ABCG2: variants seen among roughly 807,000 people sequenced by gnomAD.
The protein encoded by ABCG2 is ATP binding cassette subfamily G member 2 (JR blood group), also known as broad substrate specificity ATP-binding cassette transporter ABCG2.
ABCG2 carries 80 observed loss-of-function variants against 73.5 expected under a neutral mutation model. That is an observed-to-expected ratio of 1.09 (90% CI 0.91 to 1.31). ABCG2 has a LOEUF of 1.31. ABCG2 is among the 50% of genes most tolerant of loss of function. The probability of loss-of-function intolerance (pLI) is 0.00; values close to 1 mark genes in which losing one functional copy is unlikely to be tolerated. For missense variants in ABCG2, 796 were observed against 786.2 expected (o/e 1.01, Z -0.15); for synonymous variants, 269 against 282.4 (o/e 0.95, Z 0.48).
chr4:88,102,595 C>CAAA (rs11373616), intron 10 of ABCG2, among the ~76,000 whole-genome samples: 9 of 137,874 alleles, frequency 6.5e-5, no homozygotes, highest in Non-Finnish European at 9.2e-5. Context: ...GACACTGTCT[C>CAAA]AAAAAAAAAA....
rs188297697 is a variant in ABCG2, at chr4:88,100,428, G to A, written c.1367+802C>T. 5.5e-4 allele frequency among the ~76,000 whole-genome samples: 83 copies of A among 151,776 alleles called. 1 individual carries two copies. Among genetic ancestry groups the A allele is most frequent in the Non-Finnish European group, 3.1e-4 (21 of 67,920 alleles). On this transcript the variant is annotated intron_variant, in intron 11 of 15. Coordinates refer to ENST00000237612, the MANE Select transcript of ABCG2 (RefSeq NM_004827.3). ...TGAGGGAGGAGAATCGCTTGAACCCGGGAGGTAGAGATTGCAGTGAGCCAA... is the reference window on the plus strand; with the variant it reads ...TGAGGGAGGAGAATCGCTTGAACCCAGGAGGTAGAGATTGCAGTGAGCCAA...
At chr4:88,098,614 A>G (rs1722150768) in intron 12 of ABCG2, among the ~76,000 whole-genome samples, 1 of 149,376 alleles carries the variant, frequency 6.7e-6, no homozygotes, top group African/African-American at 2.5e-5. Context: ...GTGTGTGTAT[A>G]TATATATACA....
At chr4:88,173,724 C>A (rs6837857) in intron 1 of ABCG2, among the ~76,000 whole-genome samples, 36,057 of 151,868 alleles carry the variant, frequency 0.24, 5,664 homozygotes, top group African/African-American at 0.45. Flanking sequence ...TTTGGCCAGG[C>A]ATGGTGGCTC....
chr4:88,107,126 C>A, intron 10 of ABCG2, 58 bp downstream of exon 10: 1 of 1,280,864 alleles, frequency 7.8e-7, no homozygotes, highest in Non-Finnish European at 1.1e-6. Flanking sequence ...TAATGGATTT[C>A]AATAAGCTTG....
intron 1 of ABCG2, among the ~76,000 whole-genome samples, chr4:88,194,422 C>T (rs1578269223): frequency 6.6e-6 from 1 of 151,622 alleles, no homozygotes; most frequent in Non-Finnish European, 1.5e-5. Context: ...TGGTGGCAGG[C>T]GCCTGTAGTC....
At chr4:88,209,675 CAA>C (rs1729516508) in intron 1 of ABCG2, among the ~76,000 whole-genome samples, 1 of 151,544 alleles carries the variant, frequency 6.6e-6, no homozygotes, top group South Asian at 2.1e-4. Flanking sequence ...AAACAAAAAA[CAA>C]AACAAAAACA....
intron 1 of ABCG2, among the ~76,000 whole-genome samples, chr4:88,227,468 A>C (rs147655513): frequency 6.6e-6 from 1 of 152,280 alleles, no homozygotes; most frequent in Admixed American, 6.5e-5. Flanking sequence ...CTAAACCATA[A>C]ATGTATTCTT....
At chr4:88,099,290 AG>A in intron 12 of ABCG2, 33 bp downstream of exon 12, 2 of 1,541,958 alleles carry the variant, frequency 1.3e-6, no homozygotes, top group Non-Finnish European at 1.7e-6. Flanking sequence ...GCAAGACTAA[AG>A]ACATGTCCTT....
intron 1 of ABCG2, among the ~76,000 whole-genome samples, chr4:88,196,573 C>T (rs1195856626): frequency 2.6e-5 from 4 of 152,040 alleles, no homozygotes; most frequent in Non-Finnish European, 5.9e-5. Flanking sequence ...GGTAAGTTTG[C>T]TTGTGGAAGA....
intron 1 of ABCG2, among the ~76,000 whole-genome samples, chr4:88,182,245 A>C (rs1728283164): frequency 6.6e-6 from 1 of 152,210 alleles, no homozygotes; most frequent in Non-Finnish European, 1.5e-5. Flanking sequence ...GCACCCAAAT[A>C]TATAAAGCAA....
intron 1 of ABCG2, among the ~76,000 whole-genome samples, chr4:88,205,125 A>C (rs1396513861): frequency 6.6e-6 from 1 of 152,202 alleles, no homozygotes; most frequent in Admixed American, 6.5e-5. Flanking sequence ...CAACAGGGGC[A>C]CACTAGGAAA....
intron 7 of ABCG2, 79 bp downstream of exon 7, chr4:88,118,030 G>T (rs1224317487): frequency 4.3e-6 from 6 of 1,405,106 alleles, no homozygotes; most frequent in Non-Finnish European, 5.8e-6. Context: ...AGACCAAACA[G>T]CACTCCTGCA....
At chr4:88,098,304 T>C (rs1364867272) in intron 12 of ABCG2, among the ~76,000 whole-genome samples, 1 of 152,120 alleles carries the variant, frequency 6.6e-6, no homozygotes, top group Non-Finnish European at 1.5e-5. Flanking sequence ...TATCTTGTAG[T>C]GTCAAAATAG....
In ABCG2 at chr4:88,175,182, G is replaced by A. The variant is rs1240891013; in HGVS notation, c.-19-35168C>T. On this transcript the variant is annotated intron_variant, in intron 1 of 15. Transcript: ENST00000515655. The stretch of plus-strand genomic sequence containing the variant: ...AGATTGTTATGTTCTACATGATTGC[G>A]TCTTAATAGTTTCGTTAACCACATC... 2.6e-5 allele frequency among the ~76,000 whole-genome samples: 4 copies of A among 152,282 alleles called. No homozygotes were observed. In the South Asian group the frequency reaches 6.2e-4, roughly 24 times the overall value.
chr4:88,194,506 G>A (rs1039255417), intron 1 of ABCG2, among the ~76,000 whole-genome samples: 1 of 134,876 alleles, frequency 7.4e-6, no homozygotes, highest in Non-Finnish European at 1.5e-5. Flanking sequence ...GCCGAGATCT[G>A]GCCACTGCAC....
At chr4:88,189,044 C>A (rs756419124) in intron 1 of ABCG2, among the ~76,000 whole-genome samples, 2 of 152,022 alleles carry the variant, frequency 1.3e-5, no homozygotes, top group African/African-American at 4.8e-5. Flanking sequence ...AATATTAGAT[C>A]TTCCAGTTCA....
intron 10 of ABCG2, among the ~76,000 whole-genome samples, chr4:88,103,154 T>C (rs974012556): frequency 6.6e-6 from 1 of 152,210 alleles, no homozygotes; most frequent in Non-Finnish European, 1.5e-5. Context: ...TGCAGTTATC[T>C]CACTTTCTGT....
intron 1 of ABCG2, among the ~76,000 whole-genome samples, chr4:88,209,618 C>T (rs894426813): frequency 6.6e-6 from 1 of 151,918 alleles, no homozygotes; most frequent in Non-Finnish European, 1.5e-5. Flanking sequence ...TGTCATGCCA[C>T]TGCACTCCAG....
At chr4:88,181,877 A>C (rs936193383) in intron 1 of ABCG2, among the ~76,000 whole-genome samples, 2 of 152,174 alleles carry the variant, frequency 1.3e-5, no homozygotes, top group East Asian at 1.9e-4. Context: ...GAAAAAAAAC[A>C]ACCACCACCA....
Sources: gnomAD v4.1 joint callset for allele counts (sites outside exome capture counted in the v4.1 genomes callset) on GRCh38, gnomAD v4.1.1 for gene constraint, MANE v1.5 for transcripts, NCBI Gene and HGNC (gene_info 2026-07-23, HGNC 2026-07-21) for gene names.